Variants in C12orf56 observed in about 807,000 individuals in gnomAD.
C12orf56 encodes uncharacterized protein C12orf56.
A neutral mutation model predicts 69.9 loss-of-function variants in C12orf56; 71 were observed. The observed-to-expected ratio is 1.02, with a 90% CI of 0.84 to 1.24. The LOEUF (loss-of-function observed/expected upper bound fraction) is 1.24, where lower values mean the gene tolerates loss of function less well. Ranked by LOEUF, C12orf56 falls within the 50% of genes most tolerant of loss-of-function variation. The probability of loss-of-function intolerance (pLI) is 0.00; values close to 1 mark genes in which losing one functional copy is unlikely to be tolerated. For synonymous variants in C12orf56, 276 were observed against 274.1 expected (o/e 1.01, Z -0.07); for missense variants, 732 against 738.5 (o/e 0.99, Z 0.10).
At chr12:64,342,421 C>A (rs1474573294) in intron 2 of C12orf56, among the ~76,000 whole-genome samples, 1 of 152,184 alleles carries the variant, frequency 6.6e-6, no homozygotes, top group Non-Finnish European at 1.5e-5. Context: ...TCATGCAGAA[C>A]CATCTGTGAA....
intron 1 of C12orf56, among the ~76,000 whole-genome samples, chr12:64,388,163 C>T (rs1189729417): frequency 2.0e-5 from 3 of 152,116 alleles, no homozygotes; most frequent in Non-Finnish European, 4.4e-5. Flanking sequence ...GTCTCGAACT[C>T]CTGACCTCAG....
At chr12:64,317,588 C>G (rs895786920) in intron 4 of C12orf56, among the ~76,000 whole-genome samples, 4 of 151,936 alleles carry the variant, frequency 2.6e-5, no homozygotes, top group Non-Finnish European at 2.9e-5. Context: ...GGCAAAACCC[C>G]GTCTCTACCA....
At chr12:64,310,654 CT>C in intron 5 of C12orf56, among the ~76,000 whole-genome samples, 1 of 151,992 alleles carries the variant, frequency 6.6e-6, no homozygotes, top group East Asian at 1.9e-4. Context: ...TCATTATACA[CT>C]TCTGAATTTT....
intron 5 of C12orf56, among the ~76,000 whole-genome samples, chr12:64,305,672 T>C (rs570345588): frequency 4.8e-4 from 73 of 152,304 alleles, no homozygotes; most frequent in Non-Finnish European, 9.9e-4. Flanking sequence ...CGTGAGCCAC[T>C]ACGCCCGGCC....
intron 1 of C12orf56, among the ~76,000 whole-genome samples, chr12:64,376,932 T>C (rs1349849544): frequency 3.3e-5 from 5 of 151,964 alleles, no homozygotes; most frequent in Non-Finnish European, 7.4e-5. Context: ...CTTTGAGGAA[T>C]TGCCACACTG....
intron 2 of C12orf56, among the ~76,000 whole-genome samples, chr12:64,339,630 A>G (rs1029884760): frequency 3.9e-5 from 6 of 152,066 alleles, no homozygotes; most frequent in Non-Finnish European, 8.8e-5. Context: ...TGGTGTGATC[A>G]TGGCTCAGTA....
intron 3 of C12orf56, among the ~76,000 whole-genome samples, chr12:64,320,241 T>G (rs752224602): frequency 3.4e-4 from 52 of 152,180 alleles, no homozygotes; most frequent in Non-Finnish European, 6.6e-4. Flanking sequence ...TTGGAATCCA[T>G]GAGGCCAAGA....
At chr12:64,376,562 C>T (rs563330088) in intron 1 of C12orf56, among the ~76,000 whole-genome samples, 234 of 152,244 alleles carry the variant, frequency 1.5e-3, no homozygotes, top group Non-Finnish European at 2.6e-3. Context: ...AGGTGTTAAG[C>T]CCAGCATCCA....
chr12:64,364,012 T>A (rs2039432286), intron 1 of C12orf56, among the ~76,000 whole-genome samples: 1 of 152,086 alleles, frequency 6.6e-6, no homozygotes, highest in African/African-American at 2.4e-5. Flanking sequence ...TCTTTTTTTT[T>A]TTTTAAAAAA....
At chr12:64,336,009 C>T (rs1248523415) in intron 2 of C12orf56, among the ~76,000 whole-genome samples, 1 of 152,142 alleles carries the variant, frequency 6.6e-6, no homozygotes, top group East Asian at 1.9e-4. Context: ...CTAGCAATGA[C>T]TATTATCAAA....
intron 2 of C12orf56, among the ~76,000 whole-genome samples, chr12:64,341,487 G>T (rs1353906676): frequency 6.6e-6 from 1 of 152,198 alleles, no homozygotes. Flanking sequence ...CAATCCAGCT[G>T]CTTCAGGATG....
At chr12:64,371,659 G>A (rs1331322920) in intron 1 of C12orf56, among the ~76,000 whole-genome samples, 8 of 151,604 alleles carry the variant, frequency 5.3e-5, no homozygotes, top group Non-Finnish European at 1.5e-5. Flanking sequence ...GGTGAAACCC[G>A]GCTCTAAGAA....
chr12:64,365,793 A>G (rs1187362270), intron 1 of C12orf56, among the ~76,000 whole-genome samples: 1 of 141,060 alleles, frequency 7.1e-6, no homozygotes, highest in Non-Finnish European at 1.5e-5. Flanking sequence ...TATATAATGT[A>G]TATATTATGT....
chr12:64,297,641 G>T (rs1457024556), intron 6 of C12orf56, among the ~76,000 whole-genome samples: 2 of 152,088 alleles, frequency 1.3e-5, no homozygotes, highest in Non-Finnish European at 2.9e-5. Flanking sequence ...GAACATGTTT[G>T]GTTTTCTGTT....
intron 11 of C12orf56, among the ~76,000 whole-genome samples, chr12:64,272,547 C>T (rs2038003411): frequency 6.7e-6 from 1 of 149,610 alleles, no homozygotes; most frequent in African/African-American, 2.5e-5. Context: ...TGCAGGAAGG[C>T]TTACATGGGA....
intron 2 of C12orf56, among the ~76,000 whole-genome samples, chr12:64,341,179 T>C (rs2039069520): frequency 3.3e-5 from 5 of 152,166 alleles, no homozygotes; most frequent in Admixed American, 3.3e-4. Flanking sequence ...TGTCTCCTGG[T>C]GGCAGCATTC....
chr12:64,269,594 C>CT (rs68020602), intron 12 of C12orf56, among the ~76,000 whole-genome samples: 4 of 148,586 alleles, frequency 2.7e-5, no homozygotes, highest in African/African-American at 9.8e-5. Context: ...TTTATTTACA[C>CT]TTTTTTTTTT....
intron 4 of C12orf56, 122 bp from the exon 5 acceptor site, chr12:64,312,874 A>G (rs1026018349): frequency 1.0e-5 from 7 of 668,048 alleles, no homozygotes; most frequent in African/African-American, 9.1e-5. Context: ...ATTTGTTTAT[A>G]AAACTCATTC....
In C12orf56 at chr12:64,331,040, A is replaced by AG; in HGVS notation, c.416-9_416-8insC. ...CGTTCTTTTCTTCCTTGACTTAAAA[A>AG]AAAAATAGTTATTTGGTCATTAATT... On this transcript the variant is annotated splice_polypyrimidine_tract_variant and intron_variant, in intron 2 of 12. Transcript: ENST00000543942. 1 of 1,536,362 alleles carries AG rather than the reference A, an allele frequency of 6.5e-7. No homozygotes were observed. Among genetic ancestry groups the AG allele is most frequent in the South Asian group, 1.2e-5 (1 of 82,712 alleles).
Sources: gnomAD v4.1 joint callset for allele counts (sites outside exome capture counted in the v4.1 genomes callset) on GRCh38, gnomAD v4.1.1 for gene constraint, MANE v1.5 for transcripts, NCBI Gene and HGNC (gene_info 2026-07-23, HGNC 2026-07-21) for gene names.